SGCD: variants seen among roughly 807,000 people sequenced by gnomAD.
The protein encoded by SGCD is sarcoglycan delta, also known as delta-sarcoglycan.
In SGCD, 18 loss-of-function variants were observed where a neutral mutation model predicts 36.6. The observed-to-expected ratio is 0.49, with a 90% CI of 0.34 to 0.73. The LOEUF is 0.73. Among genes scored for constraint, SGCD ranks in the 30% least tolerant of loss-of-function variants. SGCD has a pLI of 0.01. For synonymous variants in SGCD, 133 were observed against 130.6 expected (o/e 1.02, Z -0.12); for missense variants, 387 against 346.7 (o/e 1.12, Z -0.92).
chr5:156,342,820 G>A (rs1453775144), intron 2 of SGCD, among the ~76,000 whole-genome samples: 1 of 152,198 alleles, frequency 6.6e-6, no homozygotes, highest in Non-Finnish European at 1.5e-5. Flanking sequence ...CCAGACAGCA[G>A]CAGAGCTGGT....
upstream of SGCD, among the ~76,000 whole-genome samples, chr5:155,867,327 T>A (rs575651882): frequency 6.6e-6 from 1 of 151,990 alleles, no homozygotes; most frequent in South Asian, 2.1e-4. Flanking sequence ...TGGTAATTGG[T>A]GATGGGGAAA....
At chr5:156,141,185 C>G in intron 3 of SGCD, among the ~76,000 whole-genome samples, 1 of 152,210 alleles carries the variant, frequency 6.6e-6, no homozygotes, top group East Asian at 1.9e-4. Context: ...TCAAAGGATG[C>G]CTTGGAGAGT....
Position 156,075,171 on chromosome 5 carries a change from A to G in SGCD, c.-281-42707A>G, listed in dbSNP as rs114435894. Reference sequence around the variant, plus strand: ...CACAAAGTCAACGTTAGCCTAGTGCACTTCCATGTAGTCAAATTTACAAAA... The same window carrying G: ...CACAAAGTCAACGTTAGCCTAGTGCGCTTCCATGTAGTCAAATTTACAAAA... On this transcript the variant is annotated intron_variant, in intron 1 of 9. Transcript: ENST00000517913. Among the ~76,000 whole-genome samples, 355 of 151,654 alleles carry G rather than the reference A, an allele frequency of 2.3e-3. 3 individuals are homozygous for G. Among genetic ancestry groups the G allele is most frequent in the African/African-American group, 8.4e-3 (345 of 41,216 alleles).
chr5:156,473,809 A>T (rs537734272), intron 3 of SGCD, among the ~76,000 whole-genome samples: 5 of 152,312 alleles, frequency 3.3e-5, no homozygotes, highest in African/African-American at 1.2e-4. Context: ...TAATCCACTG[A>T]CCACCTTTTG....
intron 3 of SGCD, among the ~76,000 whole-genome samples, chr5:156,350,841 C>T (rs1769214348): frequency 6.6e-6 from 1 of 152,276 alleles, no homozygotes; most frequent in African/African-American, 2.4e-5. Context: ...CATAACTCTA[C>T]AAATTTAATA....
the SGCD span, among the ~76,000 whole-genome samples, chr5:155,735,843 T>A: frequency 6.6e-6 from 1 of 152,194 alleles, no homozygotes; most frequent in Non-Finnish European, 1.5e-5. Context: ...CAGTCTAGTT[T>A]TCAAACAAGA....
At chr5:156,460,935 T>C (rs1319753473) in intron 3 of SGCD, among the ~76,000 whole-genome samples, 1 of 152,192 alleles carries the variant, frequency 6.6e-6, no homozygotes, top group African/African-American at 2.4e-5. Flanking sequence ...TTTCCCAAAA[T>C]GATTTGGCCA....
At chr5:156,220,946 TAGGACC>T (rs1009367632) in intron 3 of SGCD, among the ~76,000 whole-genome samples, 1 of 152,114 alleles carries the variant, frequency 6.6e-6, no homozygotes, top group Non-Finnish European at 1.5e-5. Flanking sequence ...GTGGCATAAC[TAGGACC>T]AATAGGTGGA....
intron 1 of SGCD, among the ~76,000 whole-genome samples, chr5:156,079,218 T>G (rs1760882548): frequency 6.6e-6 from 1 of 152,040 alleles, no homozygotes; most frequent in African/African-American, 2.4e-5. Context: ...GTATTCACTG[T>G]TGTGAGGACA....
chr5:156,229,271 TACATAC>T (rs1205737240), intron 3 of SGCD, among the ~76,000 whole-genome samples: 9 of 78,130 alleles, frequency 1.2e-4, no homozygotes, highest in South Asian at 8.1e-4. Context: ...CATATATATA[TACATAC>T]ATATATATAT....
chr5:156,226,639 CCA>C (rs1296410593), intron 3 of SGCD, among the ~76,000 whole-genome samples: 1 of 152,118 alleles, frequency 6.6e-6, no homozygotes, highest in Non-Finnish European at 1.5e-5. Context: ...TAAGGAATAT[CCA>C]CAGTTTTCCA....
At position 156,484,510 on chromosome 5, in the gene SGCD, G is replaced by A. The variant is rs73812679; in HGVS notation, c.193-24091G>A. Among the ~76,000 whole-genome samples, 651 of 152,290 alleles carry A rather than the reference G, an allele frequency of 4.3e-3. 2 individuals are homozygous for A. Among genetic ancestry groups the A allele is most frequent in the African/African-American group, 0.015 (618 of 41,564 alleles). On this transcript the variant is annotated intron_variant, in intron 3 of 8. Coordinates refer to ENST00000337851, the MANE Select transcript of SGCD (RefSeq NM_000337.6). ...CTCTGTAAAAGACATTTATAAATTC[G>A]AAGTTAAGGAAGAAAGTATTGAATT...
intron 6 of SGCD, among the ~76,000 whole-genome samples, chr5:156,605,758 G>C (rs137974776): frequency 5.1e-4 from 78 of 152,282 alleles, no homozygotes; most frequent in African/African-American, 1.7e-3. Context: ...GTGTGAGAGG[G>C]TATCTCATTG....
intron 3 of SGCD, among the ~76,000 whole-genome samples, chr5:156,192,026 T>A (rs1581159319): frequency 2.0e-5 from 3 of 152,312 alleles, no homozygotes; most frequent in South Asian, 4.1e-4. Flanking sequence ...GAGAAGAAAC[T>A]TTGGAATGAT....
upstream of SGCD, among the ~76,000 whole-genome samples, chr5:156,322,858 G>T (rs537412453): frequency 6.6e-6 from 1 of 152,312 alleles, no homozygotes; most frequent in South Asian, 2.1e-4. Flanking sequence ...GCCATTTAAA[G>T]ATTTGAGGTC....
intron 4 of SGCD, among the ~76,000 whole-genome samples, chr5:156,517,340 T>C (rs1320263636): frequency 6.6e-6 from 1 of 152,112 alleles, no homozygotes; most frequent in East Asian, 1.9e-4. Context: ...TATAGGATTA[T>C]GTAAAAAGAA....
At chr5:156,584,979 G>C (rs1021437670) in intron 4 of SGCD, among the ~76,000 whole-genome samples, 1 of 152,180 alleles carries the variant, frequency 6.6e-6, no homozygotes, top group Non-Finnish European at 1.5e-5. Context: ...TGGGGCACTA[G>C]AAAAGCTGGC....
At chr5:155,959,395 C>G (rs1209746170) in intron 1 of SGCD, among the ~76,000 whole-genome samples, 1 of 152,114 alleles carries the variant, frequency 6.6e-6, no homozygotes, top group Non-Finnish European at 1.5e-5. Context: ...GGAGAACTTG[C>G]CAAGGGACAT....
At chr5:156,688,781 G>A (rs1754003171) in intron 7 of SGCD, among the ~76,000 whole-genome samples, 1 of 152,206 alleles carries the variant, frequency 6.6e-6, no homozygotes, top group Non-Finnish European at 1.5e-5. Flanking sequence ...AATCCCCAAA[G>A]GAAATCTGCA....
Sources: gnomAD v4.1 joint callset for allele counts (sites outside exome capture counted in the v4.1 genomes callset) on GRCh38, gnomAD v4.1.1 for gene constraint, MANE v1.5 for transcripts, NCBI Gene and HGNC (gene_info 2026-07-23, HGNC 2026-07-21) for gene names.